Variants in STPG4 observed in about 807,000 individuals in gnomAD.
The protein encoded by STPG4 is sperm-tail PG-rich repeat containing 4, also known as protein STPG4.
In STPG4, 41 loss-of-function variants were observed where a neutral mutation model predicts 31.5. The observed-to-expected ratio is 1.30, with a 90% CI of 1.01 to 1.69. The LOEUF is 1.69. STPG4 is among the 40% of genes most tolerant of loss of function. The pLI is 0.00. For missense variants in STPG4, 375 were observed against 293.4 expected, an observed-to-expected ratio of 1.28 and a Z score of -2.03; for synonymous variants, 141 against 103.0, an observed-to-expected ratio of 1.37 and a Z score of -2.24.
chr2:47,109,692 C>T (rs925793526), intron 5 of STPG4, among the ~76,000 whole-genome samples: 3 of 152,108 alleles, frequency 2.0e-5, no homozygotes, highest in Admixed American at 6.5e-5. Flanking sequence ...ATCTTAGCTT[C>T]CAAATTCCAT....
chr2:47,095,843 T>C (rs1009868079), intron 5 of STPG4, among the ~76,000 whole-genome samples: 7 of 152,058 alleles, frequency 4.6e-5, no homozygotes, highest in African/African-American at 1.4e-4. Context: ...GTGGCAAAGG[T>C]GCATGCAAAT....
At chr2:47,104,925 C>A (rs766493138) in intron 5 of STPG4, among the ~76,000 whole-genome samples, 1 of 151,950 alleles carries the variant, frequency 6.6e-6, no homozygotes, top group Non-Finnish European at 1.5e-5. Context: ...CTTATCCTTG[C>A]CCTAAGACGT....
At chr2:47,105,061 G>T (rs1362405741) in intron 5 of STPG4, among the ~76,000 whole-genome samples, 1 of 151,948 alleles carries the variant, frequency 6.6e-6, no homozygotes, top group Non-Finnish European at 1.5e-5. Flanking sequence ...TGCTCATCTA[G>T]TAGAATGGCA....
At chr2:47,125,443 T>C (rs1044646476) in intron 5 of STPG4, among the ~76,000 whole-genome samples, 11 of 152,146 alleles carry the variant, frequency 7.2e-5, no homozygotes, top group African/African-American at 2.7e-4. Flanking sequence ...CTTTTTCCTA[T>C]TGAGTTGTTT....
At chr2:47,114,921 C>T (rs936017754) in intron 5 of STPG4, among the ~76,000 whole-genome samples, 2 of 152,148 alleles carry the variant, frequency 1.3e-5, no homozygotes, top group Non-Finnish European at 2.9e-5. Flanking sequence ...GCATGCTCCA[C>T]CATGCCCAGC....
intron 5 of STPG4, among the ~76,000 whole-genome samples, chr2:47,112,512 C>T (rs116354444): frequency 0.026 from 4,014 of 152,192 alleles, 185 homozygotes; most frequent in African/African-American, 0.091. Flanking sequence ...AGTATTTCAG[C>T]GAGCTCATTT....
chr2:47,125,737 T>TTA (rs1553427141), intron 5 of STPG4, among the ~76,000 whole-genome samples: 54 of 151,880 alleles, frequency 3.6e-4, no homozygotes, highest in African/African-American at 1.3e-3. Flanking sequence ...TTTTTTTTTT[T>TTA]AACTAGAGAC....
At chr2:47,118,311 G>A (rs1280385337) in intron 5 of STPG4, among the ~76,000 whole-genome samples, 1 of 152,150 alleles carries the variant, frequency 6.6e-6, no homozygotes, top group Non-Finnish European at 1.5e-5. Flanking sequence ...AGGGATCTAG[G>A]TTGTGCACTC....
At chr2:47,125,724 A>T (rs938907259) in intron 5 of STPG4, among the ~76,000 whole-genome samples, 102 of 149,286 alleles carry the variant, frequency 6.8e-4, no homozygotes, top group Admixed American at 4.5e-3. Flanking sequence ...CTTAGATTTA[A>T]TTTTTTTTTT....
At chr2:47,151,791 A>T (rs1686942191) in intron 2 of STPG4, among the ~76,000 whole-genome samples, 1 of 151,426 alleles carries the variant, frequency 6.6e-6, no homozygotes, top group Non-Finnish European at 1.5e-5. Context: ...CCCAGGCTGG[A>T]GTGCAGTGGC....
At chr2:47,149,261 T>G (rs1686890992) in intron 3 of STPG4, among the ~76,000 whole-genome samples, 1 of 152,226 alleles carries the variant, frequency 6.6e-6, no homozygotes, top group African/African-American at 2.4e-5. Context: ...CCTAATTCTT[T>G]TGGTCTTTAA....
At chr2:47,139,214 C>A (rs1329801835) in intron 3 of STPG4, among the ~76,000 whole-genome samples, 2 of 152,154 alleles carry the variant, frequency 1.3e-5, no homozygotes, top group Non-Finnish European at 2.9e-5. Flanking sequence ...TCATCTATTT[C>A]TCCTTGCAGT....
chr2:47,094,028 G>C lies in STPG4; in HGVS notation c.520-3654C>G, dbSNP rs148572591. Among the ~76,000 whole-genome samples, 86 of 152,304 alleles carry C rather than the reference G, an allele frequency of 5.6e-4. 1 individual carries two copies. The highest frequency in any genetic ancestry group is 2.0e-3 in the African/African-American group (82 of 41,566). ...CAATAGGAGGGTGTTTAAAACAAGAGGGACATTTGAACCATGTTCTCCTCT... is the reference window on the plus strand; with the variant it reads ...CAATAGGAGGGTGTTTAAAACAAGACGGACATTTGAACCATGTTCTCCTCT... On this transcript the variant is annotated intron_variant, in intron 5 of 6. Coordinates refer to ENST00000445927, the MANE Select transcript of STPG4 (RefSeq NM_001163561.2).
intron 5 of STPG4, chr2:47,129,694 T>G (rs1686434522): frequency 7.4e-6 from 3 of 403,496 alleles, no homozygotes; most frequent in Non-Finnish European, 1.3e-5. Flanking sequence ...GACTGTCTTT[T>G]CTACCCTACC....
chr2:47,087,489 C>T (rs138719113), intron 6 of STPG4, among the ~76,000 whole-genome samples: 1 of 152,356 alleles, frequency 6.6e-6, no homozygotes, highest in East Asian at 1.9e-4. Flanking sequence ...ATGCCATCAT[C>T]TTTCCCCCGG....
chr2:47,132,667 A>G (rs528498492), intron 3 of STPG4, among the ~76,000 whole-genome samples: 1 of 152,282 alleles, frequency 6.6e-6, no homozygotes, highest in South Asian at 2.1e-4. Context: ...TGAACTGGGC[A>G]TTCCTGGGGG....
At chr2:47,094,617 G>A (rs1028195357) in intron 5 of STPG4, among the ~76,000 whole-genome samples, 4 of 152,142 alleles carry the variant, frequency 2.6e-5, no homozygotes, top group Non-Finnish European at 4.4e-5. Context: ...AAGAATAAAC[G>A]GAGATAGGAG....
At chr2:47,129,830 G>T in intron 5 of STPG4, 111 bp downstream of exon 5, 1 of 1,348,142 alleles carries the variant, frequency 7.4e-7, no homozygotes, top group Non-Finnish European at 1.0e-6. Context: ...GTTCCTGCTA[G>T]GGGGAACGAT....
chr2:47,104,072 C>T (rs1685853668), intron 5 of STPG4, among the ~76,000 whole-genome samples: 1 of 151,864 alleles, frequency 6.6e-6, no homozygotes, highest in South Asian at 2.1e-4. Flanking sequence ...GATATATTAG[C>T]CAAGGCTGGA....
Sources: allele counts gnomAD v4.1 joint callset (sites outside exome capture counted in the v4.1 genomes callset), GRCh38; gene constraint gnomAD v4.1.1; transcripts MANE v1.5; gene names NCBI Gene and HGNC (gene_info 2026-07-23, HGNC 2026-07-21).